The following NGEF variants were observed in gnomAD, a reference collection of about 807,000 sequenced individuals.
The protein encoded by NGEF is ephexin-1.
A neutral mutation model predicts 80.9 loss-of-function variants in NGEF; 31 were observed. The ratio of observed to expected loss-of-function variants is 0.38; its 90% CI spans 0.29 to 0.52. The LOEUF is 0.52. Ranked by LOEUF, NGEF falls within the 20% of genes least tolerant of loss-of-function variation. The probability of loss-of-function intolerance (pLI) is 0.84; values close to 1 mark genes in which losing one functional copy is unlikely to be tolerated. For synonymous variants in NGEF, 371 were observed against 370.2 expected (o/e 1.00, Z -0.03); for missense variants, 709 against 926.2 (o/e 0.77, Z 3.04).
chr2:232,905,074 C>CCCTCTCA (rs146290342), intron 5 of NGEF, among the ~76,000 whole-genome samples: 2,059 of 151,518 alleles, frequency 0.014, 55 homozygotes, highest in African/African-American at 0.047. Context: ...CTCTCCTCTC[C>CCCTCTCA]CCTCTCCCCT....
At chr2:233,004,847 T>C (rs1003206976) in intron 1 of NGEF, among the ~76,000 whole-genome samples, 5 of 152,056 alleles carry the variant, frequency 3.3e-5, no homozygotes, top group African/African-American at 7.2e-5. Context: ...TTGAGGCAAA[T>C]TGCTTAATGG....
At chr2:232,931,517 A>T (rs1263402291) in intron 3 of NGEF, among the ~76,000 whole-genome samples, 1 of 152,234 alleles carries the variant, frequency 6.6e-6, no homozygotes, top group Non-Finnish European at 1.5e-5. Context: ...GAATTCAAGG[A>T]TTTGAAAGAA....
chr2:232,944,792 C>T (rs1462138931), intron 3 of NGEF, among the ~76,000 whole-genome samples: 1 of 141,968 alleles, frequency 7.0e-6, no homozygotes, highest in Non-Finnish European at 1.5e-5. Flanking sequence ...TGCTCTGTTG[C>T]CCAGGCTGGA....
intron 3 of NGEF, among the ~76,000 whole-genome samples, chr2:232,965,529 G>A (rs72978165): frequency 0.2 from 30,464 of 152,082 alleles, 3,612 homozygotes; most frequent in East Asian, 0.4. Context: ...ATGACAGAGA[G>A]TGGGTGAGGA....
chr2:232,889,025 C>T (rs1691794779), intron 8 of NGEF, among the ~76,000 whole-genome samples: 1 of 152,150 alleles, frequency 6.6e-6, no homozygotes, highest in Non-Finnish European at 1.5e-5. Flanking sequence ...CTGCTGGGTG[C>T]CACGGCAGCA....
In NGEF at chr2:232,942,470, C is replaced by T. The variant is rs150266107; in HGVS notation, c.384-15284G>A. On this transcript the variant is annotated intron_variant, in intron 3 of 14. Transcript: ENST00000264051. ...TCCTCTCGGTAAATCGACTGATTTA[C>T]AGAGACAGGGACATCTTCCAGACCC... Among the ~76,000 whole-genome samples, 8 of 152,320 alleles carry T rather than the reference C, an allele frequency of 5.3e-5. No homozygotes were observed. The East Asian group carries it at 1.5e-3, about 29-fold the overall frequency.
At position 232,903,436 on chromosome 2, in the gene NGEF, G is replaced by GCACA. The variant is rs35757997; in HGVS notation, c.829-8524_829-8521dup. On this transcript the variant is annotated intron_variant, in intron 5 of 14. Coordinates refer to ENST00000264051, the MANE Select transcript of NGEF (RefSeq NM_019850.3). ...TAGTTTACATTTGTGTGACATGAGG[G>GCACA]CACACACACACACACACACACACAC... is the stretch of plus-strand genomic sequence containing the variant. Among the ~76,000 whole-genome samples, 991 of 148,786 alleles carry GCACA rather than the reference G, an allele frequency of 6.7e-3. 4 individuals are homozygous for GCACA. Among genetic ancestry groups the GCACA allele is most frequent in the East Asian group, 8.9e-3 (45 of 5,058 alleles).
chr2:232,953,498 C>G (rs1295343137), intron 3 of NGEF, among the ~76,000 whole-genome samples: 1 of 129,108 alleles, frequency 7.7e-6, no homozygotes, highest in Non-Finnish European at 1.7e-5. Context: ...GACTTACATT[C>G]TTTTTTTTTT....
At chr2:232,972,744 CTTTTTTTTTTTTTTTTT>C (rs61594239) in intron 2 of NGEF, among the ~76,000 whole-genome samples, 24 of 123,318 alleles carry the variant, frequency 1.9e-4, no homozygotes, top group Non-Finnish European at 3.2e-4. Flanking sequence ...TGTCCTTATC[CTTTTTTTTTTTTTTTTT>C]TTTTTTTTTT....
At chr2:232,926,815 A>G (rs11891895) in intron 4 of NGEF, among the ~76,000 whole-genome samples, 6,409 of 152,314 alleles carry the variant, frequency 0.042, 486 homozygotes, top group African/African-American at 0.15. Context: ...CTCTCCGCAG[A>G]GAGCAGGACA....
At chr2:232,999,664 C>G (rs1694928486) in intron 1 of NGEF, among the ~76,000 whole-genome samples, 1 of 152,244 alleles carries the variant, frequency 6.6e-6, no homozygotes, top group South Asian at 2.1e-4. Context: ...TTGGCAAGCT[C>G]CCGCCTGTGG....
chr2:232,939,175 CAAAAAAAAAAAA>C (rs60357492), intron 3 of NGEF, among the ~76,000 whole-genome samples: 1,216 of 66,166 alleles, frequency 0.018, 19 homozygotes, highest in Non-Finnish European at 0.024. Context: ...GACTCAGTCT[CAAAAAAAAAAAA>C]AAAAAAAAAA....
At chr2:232,910,855 A>T (rs1204419177) in intron 5 of NGEF, among the ~76,000 whole-genome samples, 2 of 152,018 alleles carry the variant, frequency 1.3e-5, no homozygotes, top group African/African-American at 4.8e-5. Flanking sequence ...TTGTTTTTTT[A>T]CTGTTGAGTT....
intron 3 of NGEF, among the ~76,000 whole-genome samples, 176 bp from the exon 4 acceptor site, chr2:232,927,362 C>T (rs998296697): frequency 1.1e-4 from 17 of 152,172 alleles, no homozygotes; most frequent in Admixed American, 3.9e-4. Context: ...GCCCCAAAAG[C>T]CCTTTCTGTC....
chr2:232,896,473 T>C (rs996309305), intron 5 of NGEF, among the ~76,000 whole-genome samples: 1 of 132,356 alleles, frequency 7.6e-6, no homozygotes, highest in Non-Finnish European at 1.6e-5. Context: ...TAATTTGTTA[T>C]GGCCACAGAG....
At chr2:232,964,957 T>C (rs1252556851) in intron 3 of NGEF, among the ~76,000 whole-genome samples, 3 of 152,324 alleles carry the variant, frequency 2.0e-5, no homozygotes, top group Non-Finnish European at 4.4e-5. Context: ...CAGTTGATGG[T>C]CAAGGAGGTG....
intron 1 of NGEF, among the ~76,000 whole-genome samples, chr2:232,980,596 T>G (rs924048247): frequency 6.6e-6 from 1 of 152,084 alleles, no homozygotes; most frequent in Non-Finnish European, 1.5e-5. Flanking sequence ...CCTCCTGGGT[T>G]CAAATGATTC....
rs756436399 is a variant in NGEF, at chr2:232,883,965, C to T, written c.1601+16G>A. 26 of 1,598,824 alleles carry T rather than the reference C, an allele frequency of 1.6e-5. No homozygotes were observed. Among genetic ancestry groups the T allele is most frequent in the Non-Finnish European group, 2.0e-5 (24 of 1,172,444 alleles). On this transcript the variant is annotated intron_variant, in intron 11 of 14. Coordinates refer to ENST00000264051, the MANE Select transcript of NGEF (RefSeq NM_019850.3). Reference sequence around the variant, plus strand: ...TCTACCCACCGGAGCGCCTGATGCCCTGGGCCCCGACTCACCCTGGAATCT... The same window carrying T: ...TCTACCCACCGGAGCGCCTGATGCCTTGGGCCCCGACTCACCCTGGAATCT...
intron 5 of NGEF, among the ~76,000 whole-genome samples, chr2:232,906,169 G>A (rs1476811442): frequency 3.6e-5 from 1 of 27,924 alleles, no homozygotes; most frequent in East Asian, 1.0e-3. Flanking sequence ...GAGGGAGGTG[G>A]GGGGGTCAGC....
Sources: gnomAD v4.1 joint callset for allele counts (sites outside exome capture counted in the v4.1 genomes callset) on GRCh38, gnomAD v4.1.1 for gene constraint, MANE v1.5 for transcripts, NCBI Gene and HGNC (gene_info 2026-07-23, HGNC 2026-07-21) for gene names.